The following RRAGD variants were observed in gnomAD, a reference collection of about 807,000 sequenced individuals.
The protein encoded by RRAGD is ras-related GTP-binding protein D.
A neutral mutation model predicts 35.5 loss-of-function variants in RRAGD; 12 were observed. The observed-to-expected ratio is 0.34, with a 90% CI of 0.22 to 0.55. RRAGD has a LOEUF of 0.55. RRAGD is among the 20% of genes least tolerant of loss of function. The probability of loss-of-function intolerance (pLI) is 0.91; values close to 1 mark genes in which losing one functional copy is unlikely to be tolerated. For synonymous variants in RRAGD, 155 were observed against 178.9 expected (o/e 0.87, Z 1.07); for missense variants, 324 against 490.1 (o/e 0.66, Z 3.20).
chr6:89,395,351 G>A (rs1769313975), intron 1 of RRAGD, among the ~76,000 whole-genome samples: 1 of 152,204 alleles, frequency 6.6e-6, no homozygotes, highest in Non-Finnish European at 1.5e-5. Context: ...CCAGGGGTTT[G>A]AGAACAGCCT....
At chr6:89,383,258 C>A (rs1769080959) in intron 2 of RRAGD, among the ~76,000 whole-genome samples, 1 of 152,160 alleles carries the variant, frequency 6.6e-6, no homozygotes, top group South Asian at 2.1e-4. Flanking sequence ...GGGAACATGT[C>A]TGTGAGCAAA....
rs1768733505 is a variant in RRAGD at position 89,365,870 on chromosome 6, T to C, written c.*2186A>G. 1 of 152,232 alleles carries C rather than the reference T, an allele frequency of 6.6e-6. No homozygotes were observed. Among genetic ancestry groups the C allele is most frequent in the Admixed American group, 6.5e-5 (1 of 15,282 alleles). 9.4% of individuals were successfully genotyped at this position (152,232 alleles called of 1,614,324 possible). On this transcript the variant is annotated 3_prime_UTR_variant, in exon 7 of 7. Transcript: ENST00000369415. ...TCTCTAGCTTGAGGATAAAGTCATA[T>C]TAGAAAACTGATTCTTCATTTGCTT...
intron 1 of RRAGD, among the ~76,000 whole-genome samples, chr6:89,394,847 G>A (rs1769303427): frequency 6.6e-6 from 1 of 152,052 alleles, no homozygotes; most frequent in Non-Finnish European, 1.5e-5. Flanking sequence ...ATCATGAAAA[G>A]GAATTTGGTT....
chr6:89,412,016 C>A lies in RRAGD; in HGVS notation c.-23G>T, dbSNP rs779185908. ...CATCGTGCCCACCGGCCGGCCGGCC[C>A]GGGGACGGCGGGGGTCCCGGGGTGG... is the stretch of plus-strand genomic sequence containing the variant. On this transcript the variant is annotated 5_prime_UTR_variant, in exon 1 of 7. Transcript: ENST00000369415. The surrounding 1 kb of genome is among the most constrained non-coding windows in gnomAD (Gnocchi z 4.2). 1.3e-6 allele frequency: 2 copies of A among 1,519,800 alleles called. No individual in the cohort carries two copies. Among genetic ancestry groups the A allele is most frequent in the South Asian group, 1.2e-5 (1 of 82,128 alleles). 94.1% of individuals were successfully genotyped at this position (1,519,800 alleles called of 1,614,324 possible).
Position 89,365,534 on chromosome 6 carries a change from G to C in RRAGD, c.*2522C>G, listed in dbSNP as rs1337783226. The C allele has an allele frequency of 6.6e-6, 1 of 152,176 alleles. No homozygotes were observed. The highest frequency in any genetic ancestry group is 1.5e-5 in the Non-Finnish European group (1 of 68,030). The allele number at this position is 152,176 out of a possible 1,614,324, so 9.4% of individuals were successfully genotyped here. A position where few individuals can be genotyped will look rare whatever the true frequency, so the allele number is the denominator to read the frequency against. ...TCCAATAACACAGATTTGAAAAACT[G>C]AACGCTTAGACATAACTCCTGCATC... On this transcript the variant is annotated 3_prime_UTR_variant, in exon 7 of 7. Coordinates refer to ENST00000369415, the MANE Select transcript of RRAGD (RefSeq NM_021244.5).
At chr6:89,386,359 A>C (rs553622848) in intron 2 of RRAGD, among the ~76,000 whole-genome samples, 12 of 152,282 alleles carry the variant, frequency 7.9e-5, no homozygotes, top group African/African-American at 2.9e-4. Context: ...TACAGCAGAA[A>C]AGCCTCAGGA....
At chr6:89,389,371 C>A (rs552086323) in intron 1 of RRAGD, among the ~76,000 whole-genome samples, 3 of 151,880 alleles carry the variant, frequency 2.0e-5, no homozygotes, top group African/African-American at 4.8e-5. Flanking sequence ...CTGGCTAACA[C>A]GGTGAAACTC....
chr6:89,368,005 A>G lies in RRAGD; in HGVS notation c.*51T>C, dbSNP rs1210756466. ...CTCTTCCTTTAGTGCAACATGGCGC[A>G]GCAGCCTCATGGATAAGGTCTGATT... is the stretch of plus-strand genomic sequence containing the variant. On this transcript the variant is annotated 3_prime_UTR_variant, in exon 7 of 7. Transcript: ENST00000369415. 1 of 1,487,074 alleles carries G rather than the reference A, an allele frequency of 6.7e-7. No individual in the cohort carries two copies. Among genetic ancestry groups the G allele is most frequent in the East Asian group, 2.3e-5 (1 of 43,566 alleles). 92.1% of individuals were successfully genotyped at this position (1,487,074 alleles called of 1,614,324 possible). A position where few individuals can be genotyped will look rare whatever the true frequency, so the allele number is the denominator to read the frequency against.
intron 2 of RRAGD, 54 bp from the exon 3 acceptor site, chr6:89,380,421 CCA>C: frequency 2.0e-6 from 3 of 1,480,212 alleles, no homozygotes. Context: ...CCTGAGCCTC[CCA>C]CACACACTCT....
chr6:89,402,038 ATTTTTTTTTT>A (rs71556520), intron 1 of RRAGD, among the ~76,000 whole-genome samples: 1 of 78,440 alleles, frequency 1.3e-5, no homozygotes, highest in African/African-American at 6.3e-5. Context: ...AATCCTAAGG[ATTTTTTTTTT>A]TTTTTTTTTT....
chr6:89,404,620 T>G (rs1443253340), intron 1 of RRAGD, among the ~76,000 whole-genome samples: 2 of 152,138 alleles, frequency 1.3e-5, no homozygotes, highest in Non-Finnish European at 2.9e-5. Context: ...GTCATCAAAT[T>G]GAGCCATTAT....
At chr6:89,377,098 T>A (rs141250256) in intron 5 of RRAGD, among the ~76,000 whole-genome samples, 192 of 152,364 alleles carry the variant, frequency 1.3e-3, no homozygotes, top group African/African-American at 4.2e-3. Context: ...GCTCACTTTA[T>A]TGTTAAGAAT....
chr6:89,384,334 T>C (rs890225043), intron 2 of RRAGD, among the ~76,000 whole-genome samples: 2 of 152,226 alleles, frequency 1.3e-5, no homozygotes, highest in African/African-American at 4.8e-5. Context: ...CTACTGTTTA[T>C]TTTTATGTGT....
intron 4 of RRAGD, among the ~76,000 whole-genome samples, chr6:89,378,110 C>T (rs1768977753): frequency 6.6e-6 from 1 of 152,150 alleles, no homozygotes; most frequent in South Asian, 2.1e-4. Context: ...TCGAAACCAG[C>T]CTGACCAACC....
chr6:89,411,857 G>C lies in RRAGD; in HGVS notation c.137C>G (p.Thr46Arg). 2 of 1,552,516 alleles carry C rather than the reference G, an allele frequency of 1.3e-6. No homozygotes were observed. Among genetic ancestry groups the C allele is most frequent in the Non-Finnish European group, 1.7e-6 (2 of 1,151,602 alleles). Residue 46 changes from threonine (T) to arginine (R), a missense_variant, in exon 1 of 7, where the codon ACA becomes AGA. By Grantham distance (71) the Thr-to-Arg change is moderately conservative. Coordinates refer to ENST00000369415, the MANE Select transcript of RRAGD (RefSeq NM_021244.5). The surrounding 1 kb of genome is among the most constrained non-coding windows in gnomAD (Gnocchi z 5.6). ...GGCCGGGCGCTCACCTCCCTCCTCT[G>C]TGCCGCTGTCCGGATCGGCGTCGGA... ...DSSDADPDSG[T>R]EEGVLDFSDP...
chr6:89,374,917 T>C (rs764127766), intron 5 of RRAGD, among the ~76,000 whole-genome samples: 1 of 152,158 alleles, frequency 6.6e-6, no homozygotes, highest in Non-Finnish European at 1.5e-5. Flanking sequence ...TAAGGCTCAA[T>C]CTCTCTTGCT....
chr6:89,368,699 C>T (rs1051407156), intron 6 of RRAGD, among the ~76,000 whole-genome samples: 2 of 152,126 alleles, frequency 1.3e-5, no homozygotes, highest in Admixed American at 6.6e-5. Flanking sequence ...CGAGGGAAAG[C>T]GAAGCCCCTA....
chr6:89,411,746 C>G lies in RRAGD; in HGVS notation c.148+100G>C. ...TCAACTGGACCCGCTCCCCTGGACC[C>G]CCTCCAAGTCGGTGGCTCGCGCACG... is the stretch of plus-strand genomic sequence containing the variant. On this transcript the variant is annotated intron_variant, in intron 1 of 6. Coordinates refer to ENST00000369415, the MANE Select transcript of RRAGD (RefSeq NM_021244.5). The surrounding 1 kb of genome is among the most constrained non-coding windows in gnomAD (Gnocchi z 5.6). The G allele has an allele frequency of 7.6e-7, 1 of 1,316,116 alleles. No homozygotes were observed. The highest frequency in any genetic ancestry group is 2.8e-5 in the East Asian group (1 of 36,296). The allele number at this position is 1,316,116 out of a possible 1,614,324, so 81.5% of individuals were successfully genotyped here.
chr6:89,390,044 A>G (rs1051853373), intron 1 of RRAGD, among the ~76,000 whole-genome samples: 3 of 152,262 alleles, frequency 2.0e-5, no homozygotes, highest in African/African-American at 7.2e-5. Flanking sequence ...TGGATCAAAC[A>G]TCTAAGTTGA....
Sources: allele counts gnomAD v4.1 joint callset (sites outside exome capture counted in the v4.1 genomes callset), GRCh38; gene constraint gnomAD v4.1.1; non-coding constraint Gnocchi (gnomAD v3.1); transcripts MANE v1.5; gene names NCBI Gene and HGNC (gene_info 2026-07-23, HGNC 2026-07-21).